Variants in INTS9 observed in about 807,000 individuals in gnomAD.
INTS9 encodes integrator complex subunit 9, also known as protein related to CPSF subunits of 74 kDa.
Under a neutral mutation model 79.7 loss-of-function variants are expected in INTS9, and 55 were observed. The observed-to-expected ratio is 0.69, with a 90% confidence interval of 0.56 to 0.86. The LOEUF (loss-of-function observed/expected upper bound fraction) is 0.86. INTS9 is among the 40% of genes least tolerant of loss of function. INTS9 has a pLI of 0.00. For missense variants in INTS9, 721 were observed against 831.5 expected, an observed-to-expected ratio of 0.87 and a Z score of 1.64; for synonymous variants, 319 against 325.2, an observed-to-expected ratio of 0.98 and a Z score of 0.20.
intron 1 of INTS9, among the ~76,000 whole-genome samples, chr8:28,877,196 A>C (rs1388358448): frequency 6.6e-6 from 1 of 152,142 alleles, no homozygotes; most frequent in Non-Finnish European, 1.5e-5. Flanking sequence ...AAATACTATA[A>C]GATATTAAAA....
chr8:28,835,147 A>G (rs1298394134), intron 6 of INTS9, 145 bp downstream of exon 6: 2 of 599,052 alleles, frequency 3.3e-6, no homozygotes, highest in Non-Finnish European at 2.9e-6. Context: ...GTTGAATCAA[A>G]TATAACCCTT....
Position 28,769,935 on chromosome 8 carries a change from A to T in INTS9, c.1754T>A (p.Leu585Ter). The T allele has an allele frequency of 6.2e-7, 1 of 1,614,238 alleles. No homozygotes were observed. Among genetic ancestry groups the T allele is most frequent in the Non-Finnish European group, 8.5e-7 (1 of 1,180,034 alleles). The change falls in exon 16 of 17, where the codon TTG (leucine) becomes TAG (stop). Residue 585 changes from leucine (L) to a stop codon, truncating the protein, a stop_gained. Transcript: ENST00000521022. LOFTEE classifies it high-confidence loss of function. ...VPDCKVLKPL[L>*]SGSIPVEQFV... ...CTGCTCCACAGGGATGGAACCGCTC[A>T]ACAAAGGCTTCAGGACTTTGCAGTC...
rs957638550 is a variant in INTS9 at position 28,782,041 on chromosome 8, C to T, written c.1099-1047G>A. Among the ~76,000 whole-genome samples the T allele has an allele frequency of 4.6e-5, 7 of 152,014 alleles. No homozygotes were observed. The East Asian group carries it at 5.8e-4, about 13-fold the overall frequency. ...GTGTGGGGCAGGGGCATATGATTGC[C>T]GTGAACCTAAAACTGCTGTGAAAAG... On this transcript the variant is annotated intron_variant, in intron 11 of 16. Transcript: ENST00000521022.
At chr8:28,830,462 A>C (rs1201016916) in intron 6 of INTS9, among the ~76,000 whole-genome samples, 1 of 151,720 alleles carries the variant, frequency 6.6e-6, no homozygotes, top group Non-Finnish European at 1.5e-5. Context: ...GGTGAAACCC[A>C]AAAAATACAA....
intron 1 of INTS9, among the ~76,000 whole-genome samples, chr8:28,888,675 G>A (rs1310574053): frequency 2.2e-4 from 34 of 152,298 alleles, no homozygotes; most frequent in Non-Finnish European, 4.4e-5. Context: ...TGACCCAGGG[G>A]TAAGTTGCTA....
chr8:28,824,851 A>C (rs1245957531), intron 6 of INTS9, among the ~76,000 whole-genome samples: 1 of 152,222 alleles, frequency 6.6e-6, no homozygotes, highest in Non-Finnish European at 1.5e-5. Flanking sequence ...TTCCTCATCT[A>C]TAAAATGGAG....
chr8:28,862,410 T>G, intron 1 of INTS9: 4 of 174,250 alleles, frequency 2.3e-5, no homozygotes, highest in Non-Finnish European at 4.5e-5. Flanking sequence ...TTTATTGGCC[T>G]AAGTAAATAT....
At chr8:28,879,412 A>T (rs1447409494) in intron 1 of INTS9, among the ~76,000 whole-genome samples, 1 of 152,218 alleles carries the variant, frequency 6.6e-6, no homozygotes, top group African/African-American at 2.4e-5. Flanking sequence ...AGAAGGGAAT[A>T]TCATCAGCCT....
intron 3 of INTS9, 188 bp downstream of exon 3, chr8:28,850,011 AATCAGAACAATGAC>A (rs1272723227): frequency 2.3e-6 from 1 of 437,662 alleles, no homozygotes; most frequent in Non-Finnish European, 4.1e-6. Context: ...AATGGATCTG[AATCAGAACAATGAC>A]ATTCTCTAAA....
At position 28,769,967 on chromosome 8, in the gene INTS9, G is replaced by A. The variant is rs371109327; in HGVS notation, c.1722C>T (p.Asp574=). The A allele has an allele frequency of 3.8e-5, 62 of 1,614,090 alleles. No individual in the cohort carries two copies. Among genetic ancestry groups the A allele is most frequent in the African/African-American group, 1.2e-4 (9 of 74,948 alleles). Reference sequence around the variant, plus strand: ...GCTTCAGGACTTTGCAGTCTGGTACGTCATCGCTCACCCGCTTTCTCTTCT... The same window carrying A: ...GCTTCAGGACTTTGCAGTCTGGTACATCATCGCTCACCCGCTTTCTCTTCT... The part of the protein sequence containing the change: ...SGKKRKRVSD[D]VPDCKVLKPL... The change falls in exon 16 of 17, where the codon GAC becomes GAT. Residue 574 remains aspartate, a synonymous_variant. Transcript: ENST00000521022.
chr8:28,804,401 A>C (rs1249072195), intron 8 of INTS9, among the ~76,000 whole-genome samples: 1 of 151,830 alleles, frequency 6.6e-6, no homozygotes, highest in Non-Finnish European at 1.5e-5. Flanking sequence ...CTGGGTAAAA[A>C]CCCTTTGTCC....
At chr8:28,768,963 G>A (rs1466588975) in intron 16 of INTS9, among the ~76,000 whole-genome samples, 2 of 152,142 alleles carry the variant, frequency 1.3e-5, no homozygotes, top group Non-Finnish European at 2.9e-5. Context: ...GTGGAACACT[G>A]GGTCAGGACA....
chr8:28,815,702 G>C (rs1805430818), intron 6 of INTS9, among the ~76,000 whole-genome samples: 1 of 152,034 alleles, frequency 6.6e-6, no homozygotes, highest in African/African-American at 2.4e-5. Flanking sequence ...GAAATGAAGA[G>C]ATTTAAACAA....
intron 8 of INTS9, among the ~76,000 whole-genome samples, chr8:28,801,022 T>C (rs375278592): frequency 6.6e-6 from 1 of 152,184 alleles, no homozygotes; most frequent in East Asian, 1.9e-4. Context: ...TATTAGTAGC[T>C]CAGCCTACCT....
intron 2 of INTS9, among the ~76,000 whole-genome samples, chr8:28,857,995 G>T (rs1481028281): frequency 6.6e-6 from 1 of 152,102 alleles, no homozygotes; most frequent in Non-Finnish European, 1.5e-5. Flanking sequence ...GAATGGGAAG[G>T]GGAAGAGAGG....
chr8:28,775,555 T>C (rs961285300), intron 14 of INTS9, among the ~76,000 whole-genome samples: 1 of 152,110 alleles, frequency 6.6e-6, no homozygotes, highest in African/African-American at 2.4e-5. Context: ...CTGGGCTGGG[T>C]TGGCCAGGCT....
At chr8:28,862,825 G>A (rs1808531148) in intron 1 of INTS9, among the ~76,000 whole-genome samples, 1 of 152,196 alleles carries the variant, frequency 6.6e-6, no homozygotes, top group South Asian at 2.1e-4. Context: ...TTTGATAAGT[G>A]GCTTTAGTTC....
At chr8:28,811,699 G>A (rs1170625848) in intron 8 of INTS9, among the ~76,000 whole-genome samples, 1 of 152,178 alleles carries the variant, frequency 6.6e-6, no homozygotes, top group African/African-American at 2.4e-5. Flanking sequence ...GGGATTACAG[G>A]TATGAGCCAC....
chr8:28,774,105 G>C (rs1420163561), intron 14 of INTS9, among the ~76,000 whole-genome samples: 1 of 152,144 alleles, frequency 6.6e-6, no homozygotes, highest in Non-Finnish European at 1.5e-5. Context: ...GAGCTACCAT[G>C]CCTGGCTGAA....
Sources: allele counts gnomAD v4.1 joint callset (sites outside exome capture counted in the v4.1 genomes callset), GRCh38; gene constraint gnomAD v4.1.1; transcripts MANE v1.5; gene names NCBI Gene and HGNC (gene_info 2026-07-23, HGNC 2026-07-21).